Variants in FSAF1 observed in about 807,000 individuals in gnomAD.
FSAF1 encodes uncharacterized protein C1orf131.
the FSAF1 span, among the ~76,000 whole-genome samples, chr1:231,230,888 G>C: frequency 6.6e-6 from 1 of 152,236 alleles, no homozygotes; most frequent in African/African-American, 2.4e-5. Flanking sequence ...AAACAGCAAG[G>C]CTTACCCAAC....
At chr1:231,236,992 T>C in the FSAF1 span, 1 of 151,644 alleles carries the variant, frequency 6.6e-6, no homozygotes, top group East Asian at 1.9e-4. Flanking sequence ...GATTCACTAA[T>C]AATCTTTTTT....
the FSAF1 span, chr1:231,241,009 G>C: frequency 6.2e-7 from 1 of 1,607,340 alleles, no homozygotes; most frequent in Non-Finnish European, 8.5e-7. Context: ...TGGGCTCCTG[G>C]GACCCCGCAC....
chr1:231,226,516 A>G, the FSAF1 span: 6 of 591,716 alleles, frequency 1.0e-5, no homozygotes, highest in South Asian at 4.2e-5. Context: ...AAAACGGACT[A>G]AGACAAGGAG....
the FSAF1 span, chr1:231,225,135 C>A: frequency 1.5e-3 from 501 of 323,850 alleles, no homozygotes; most frequent in South Asian, 2.3e-3. Context: ...CTCTATCTTA[C>A]GTGGTATGTC....
the FSAF1 span, chr1:231,223,885 A>G: frequency 6.4e-6 from 1 of 156,718 alleles, no homozygotes; most frequent in Non-Finnish European, 1.4e-5. Flanking sequence ...TGGTTCTTTC[A>G]TGATATCATA....
chr1:231,232,224 T>A, the FSAF1 span, among the ~76,000 whole-genome samples: 235 of 152,294 alleles, frequency 1.5e-3, no homozygotes, highest in African/African-American at 5.1e-3. Flanking sequence ...CCCCATATTC[T>A]CTGCAGTAGG....
the FSAF1 span, chr1:231,224,392 G>A: frequency 1.2e-6 from 2 of 1,605,864 alleles, no homozygotes; most frequent in East Asian, 2.2e-5. Flanking sequence ...AAAATACTGG[G>A]AGCGGACTTC....
At chr1:231,236,193 A>T in the FSAF1 span, among the ~76,000 whole-genome samples, 2 of 152,210 alleles carry the variant, frequency 1.3e-5, no homozygotes, top group Non-Finnish European at 2.9e-5. Context: ...CAGTTGGCTG[A>T]CTACCCTTTA....
chr1:231,225,591 G>T, the FSAF1 span: 1 of 1,400,726 alleles, frequency 7.1e-7, no homozygotes, highest in South Asian at 1.2e-5. Context: ...AAAGGCAAGA[G>T]GTTTGTGACC....
chr1:231,234,676 G>A, the FSAF1 span, among the ~76,000 whole-genome samples: 4 of 152,156 alleles, frequency 2.6e-5, no homozygotes, highest in East Asian at 1.9e-4. The surrounding 1 kb of genome is among the most constrained non-coding windows in gnomAD (Gnocchi z 4.0). Flanking sequence ...GGCTTCTCAT[G>A]TACTTAAGAC....
At chr1:231,231,165 T>C in the FSAF1 span, among the ~76,000 whole-genome samples, 4 of 152,210 alleles carry the variant, frequency 2.6e-5, no homozygotes, top group Admixed American at 2.6e-4. Flanking sequence ...CAGCATCAAG[T>C]GCCTTAACTG....
At chr1:231,240,235 C>A in the FSAF1 span, among the ~76,000 whole-genome samples, 2 of 152,196 alleles carry the variant, frequency 1.3e-5, no homozygotes, top group African/African-American at 4.8e-5. The surrounding 1 kb of genome is among the most constrained non-coding windows in gnomAD (Gnocchi z 4.1). Context: ...ATGGCAAGTT[C>A]TCAACAGTTT....
At chr1:231,231,378 C>T in the FSAF1 span, among the ~76,000 whole-genome samples, 373 of 152,238 alleles carry the variant, frequency 2.5e-3, 1 homozygote, top group African/African-American at 8.5e-3. Context: ...CCCTGTATAC[C>T]GTTCCCAGAT....
the FSAF1 span, among the ~76,000 whole-genome samples, chr1:231,233,764 G>T: frequency 6.6e-6 from 1 of 152,144 alleles, no homozygotes; most frequent in African/African-American, 2.4e-5. Flanking sequence ...TATTGGCCAG[G>T]CTGGTCTTGA....
the FSAF1 span, among the ~76,000 whole-genome samples, chr1:231,234,233 G>A: frequency 6.6e-6 from 1 of 152,160 alleles, no homozygotes; most frequent in Non-Finnish European, 1.5e-5. This position sits in a 1 kb window ranked among gnomAD's most constrained non-coding sequence, Gnocchi z 4.0. Flanking sequence ...ATTCTATTAT[G>A]TGTTTCTTAT....
At chr1:231,226,092 C>A in the FSAF1 span, among the ~76,000 whole-genome samples, 1 of 148,144 alleles carries the variant, frequency 6.8e-6, no homozygotes, top group African/African-American at 2.5e-5. Context: ...GTTTGGATAG[C>A]TGACCCTCCA....
chr1:231,238,763 G>A, the FSAF1 span: 1 of 1,235,110 alleles, frequency 8.1e-7, no homozygotes, highest in Non-Finnish European at 1.1e-6. Flanking sequence ...CCTGAGGATA[G>A]TCAGGCATTC....
the FSAF1 span, chr1:231,241,071 C>A: frequency 6.2e-7 from 1 of 1,614,228 alleles, no homozygotes; most frequent in Non-Finnish European, 8.5e-7. Flanking sequence ...TGTCGGAGAA[C>A]TGGGAGGCGT....
chr1:231,235,392 G>A, the FSAF1 span, among the ~76,000 whole-genome samples: 9 of 152,062 alleles, frequency 5.9e-5, no homozygotes, highest in Non-Finnish European at 1.2e-4. Context: ...AGCTACTCAG[G>A]AGGCTGAGGG....
Sources: allele counts gnomAD v4.1 joint callset (sites outside exome capture counted in the v4.1 genomes callset), GRCh38; gene constraint gnomAD v4.1.1; non-coding constraint Gnocchi (gnomAD v3.1); transcripts MANE v1.5; gene names NCBI Gene and HGNC (gene_info 2026-07-23, HGNC 2026-07-21).